PLEKHG7: variants seen among roughly 807,000 people sequenced by gnomAD.
PLEKHG7 encodes the protein pleckstrin homology and RhoGEF domain containing G7, also known as pleckstrin homology domain-containing family G member 7.
Under a neutral mutation model 85.2 loss-of-function variants are expected in PLEKHG7, and 77 were observed. That is an observed-to-expected ratio of 0.90 (90% confidence interval 0.75 to 1.09). The LOEUF (loss-of-function observed/expected upper bound fraction) is 1.09, where lower values mean the gene tolerates loss of function less well. PLEKHG7 is among the 50% of genes least tolerant of loss of function. The pLI is 0.00. For missense variants in PLEKHG7, 777 were observed against 804.3 expected (o/e 0.97, Z 0.41); for synonymous variants, 301 against 302.4 (o/e 1.00, Z 0.05).
chr12:92,719,771 T>C (rs1674693770), intron 3 of PLEKHG7, among the ~76,000 whole-genome samples: 1 of 152,216 alleles, frequency 6.6e-6, no homozygotes, highest in African/African-American at 2.4e-5. Flanking sequence ...AAGTGATCTA[T>C]TAGTCATATT....
At chr12:92,745,400 T>C (rs1872505682) in intron 9 of PLEKHG7, 78 bp from the exon 10 acceptor site, 1 of 956,140 alleles carries the variant, frequency 1.0e-6, no homozygotes, top group African/African-American at 1.8e-5. Context: ...ATGATAAAAG[T>C]GAGGAGAAAC....
chr12:92,767,874 C>A (rs1018077623), intron 15 of PLEKHG7, among the ~76,000 whole-genome samples: 3 of 152,050 alleles, frequency 2.0e-5, no homozygotes, highest in African/African-American at 7.2e-5. Context: ...ACAGCCCTGG[C>A]CTGTTTTTGT....
intron 3 of PLEKHG7, among the ~76,000 whole-genome samples, chr12:92,709,529 A>G (rs996236337): frequency 6.6e-6 from 1 of 152,202 alleles, no homozygotes; most frequent in African/African-American, 2.4e-5. Flanking sequence ...CCAGGGGTGG[A>G]TGTACTATAT....
At chr12:92,764,539 T>C (rs1332548123) in intron 15 of PLEKHG7, among the ~76,000 whole-genome samples, 7 of 152,176 alleles carry the variant, frequency 4.6e-5, no homozygotes, top group Non-Finnish European at 8.8e-5. Flanking sequence ...ATTGTTATTA[T>C]AGTATCATTA....
At chr12:92,767,236 C>G (rs1385329919) in intron 15 of PLEKHG7, among the ~76,000 whole-genome samples, 1 of 152,152 alleles carries the variant, frequency 6.6e-6, no homozygotes, top group African/African-American at 2.4e-5. Context: ...AAAAAAAGAG[C>G]TATTCTTGCC....
At chr12:92,730,977 G>A (rs1871975852) in intron 4 of PLEKHG7, among the ~76,000 whole-genome samples, 2 of 152,246 alleles carry the variant, frequency 1.3e-5, no homozygotes, top group South Asian at 4.1e-4. Flanking sequence ...CTCACGCTTT[G>A]CTGTGCATAT....
intron 3 of PLEKHG7, 34 bp downstream of exon 3, chr12:92,707,706 C>T: frequency 6.2e-7 from 1 of 1,613,728 alleles, no homozygotes; most frequent in Non-Finnish European, 8.5e-7. Flanking sequence ...GGTGCTATGA[C>T]ATCTGTTGAC....
At chr12:92,746,794 G>A (rs2136611856) in intron 10 of PLEKHG7, among the ~76,000 whole-genome samples, 2 of 152,292 alleles carry the variant, frequency 1.3e-5, no homozygotes, top group South Asian at 4.1e-4. Flanking sequence ...ACACTCTCTT[G>A]AGTAAATAGC....
intron 3 of PLEKHG7, among the ~76,000 whole-genome samples, chr12:92,717,719 A>G (rs923521682): frequency 3.3e-5 from 5 of 152,224 alleles, no homozygotes; most frequent in Non-Finnish European, 7.3e-5. Context: ...GGGAACCCCC[A>G]GTGACACCTT....
At chr12:92,714,056 C>T (rs1225292213) in intron 3 of PLEKHG7, among the ~76,000 whole-genome samples, 1 of 152,132 alleles carries the variant, frequency 6.6e-6, no homozygotes, top group Non-Finnish European at 1.5e-5. Context: ...AGTGTAGGAC[C>T]CCTCCTCATG....
In PLEKHG7 at chr12:92,715,386, C is replaced by G. The variant is rs372677825; in HGVS notation, c.530+7714C>G. 1.4e-3 allele frequency among the ~76,000 whole-genome samples: 217 copies of G among 152,224 alleles called. 5 individuals are homozygous for G. In the South Asian group the frequency reaches 0.02, roughly 14 times the overall value. On this transcript the variant is annotated intron_variant, in intron 3 of 16. Coordinates refer to ENST00000344636, the MANE Select transcript of PLEKHG7 (RefSeq NM_001377329.1). Reference sequence around the variant, plus strand: ...TTTGGCAACACCTTCACAGATACACCCAGGATCAATACTTTGCATCCTTCA... The same window carrying G: ...TTTGGCAACACCTTCACAGATACACGCAGGATCAATACTTTGCATCCTTCA...
intron 2 of PLEKHG7, chr12:92,707,360 T>G (rs1871266757): frequency 7.0e-7 from 1 of 1,429,690 alleles, no homozygotes; most frequent in African/African-American, 1.4e-5. Context: ...CTTTCTTCTG[T>G]CCTTAGAGGC....
chr12:92,719,624 A>G (rs1225882665), intron 3 of PLEKHG7, among the ~76,000 whole-genome samples: 1 of 152,182 alleles, frequency 6.6e-6, no homozygotes, highest in Non-Finnish European at 1.5e-5. Flanking sequence ...TTAGACACAC[A>G]TATCACTAAA....
chr12:92,765,831 A>G (rs1323168231), intron 15 of PLEKHG7, among the ~76,000 whole-genome samples: 3 of 152,184 alleles, frequency 2.0e-5, no homozygotes, highest in Admixed American at 6.5e-5. Context: ...AATGCCTTAC[A>G]TATATTAACC....
chr12:92,736,548 T>G lies in PLEKHG7; in HGVS notation c.766T>G (p.Phe256Val), dbSNP rs189451243. The G allele has an allele frequency of 2.3e-5, 28 of 1,230,988 alleles. No homozygotes were observed. The highest frequency in any genetic ancestry group is 8.4e-5 in the Admixed American group (2 of 23,718). 76.3% of individuals were successfully genotyped at this position (1,230,988 alleles called of 1,614,324 possible). ...CCTGTCCTCTGTGAAAATTACCAGC[T>G]TCAGGGGCTATGACTTCTACGGTCT... ...NCLSSVKITS[F>V]RGYDFYGLKD... is the part of the protein sequence containing the mutation. The change falls in exon 6 of 17, where the codon TTC becomes GTC. Residue 256 changes from phenylalanine (F) to valine (V), a missense_variant. Around this residue, in one of 3 missense-constraint regions of PLEKHG7, gnomAD observed 520 missense variants for 544.0 expected, o/e 0.96. Coordinates refer to ENST00000344636, the MANE Select transcript of PLEKHG7 (RefSeq NM_001377329.1).
At chr12:92,729,295 T>G (rs1871913450) in intron 4 of PLEKHG7, among the ~76,000 whole-genome samples, 175 bp downstream of exon 4, 1 of 151,596 alleles carries the variant, frequency 6.6e-6, no homozygotes, top group Non-Finnish European at 1.5e-5. Context: ...GGGAACCAGC[T>G]GAGTACCAGT....
intron 10 of PLEKHG7, among the ~76,000 whole-genome samples, chr12:92,751,563 G>A (rs1047413712): frequency 4.6e-5 from 7 of 150,798 alleles, no homozygotes; most frequent in African/African-American, 1.2e-4. Context: ...TGGTAGAAAC[G>A]GAGTTTCACC....
At position 92,766,477 on chromosome 12, in the gene PLEKHG7, G is replaced by A. The variant is rs150376138; in HGVS notation, c.1870+2283G>A. On this transcript the variant is annotated intron_variant, in intron 15 of 16. Coordinates refer to ENST00000344636, the MANE Select transcript of PLEKHG7 (RefSeq NM_001377329.1). Reference sequence around the variant, plus strand: ...ACTTTATGGGAAATCTAATGTCACCGGATTACCTTGAAAGATGCATGTTTT... The same window carrying A: ...ACTTTATGGGAAATCTAATGTCACCAGATTACCTTGAAAGATGCATGTTTT... Among the ~76,000 whole-genome samples, 529 of 151,980 alleles carry A rather than the reference G, an allele frequency of 3.5e-3. 4 individuals carry two copies. Among genetic ancestry groups the A allele is most frequent in the Admixed American group, 9.3e-3 (142 of 15,278 alleles).
At chr12:92,732,120 G>T (rs1217811082) in intron 4 of PLEKHG7, 113 bp from the exon 5 acceptor site, 1 of 489,078 alleles carries the variant, frequency 2.0e-6, no homozygotes, top group Non-Finnish European at 3.2e-6. Flanking sequence ...ATTAAAGCAG[G>T]ATGAATTCTG....
Sources: gnomAD v4.1 joint callset for allele counts (sites outside exome capture counted in the v4.1 genomes callset) on GRCh38, gnomAD v4.1.1 for gene constraint, gnomAD v4.1.1 regional missense constraint, MANE v1.5 for transcripts, NCBI Gene and HGNC (gene_info 2026-07-23, HGNC 2026-07-21) for gene names.